The following CADM2 variants were observed in gnomAD, a reference collection of about 807,000 sequenced individuals.
The protein encoded by CADM2 is immunoglobulin superfamily member 4D.
Under a neutral mutation model 49.8 loss-of-function variants are expected in CADM2, and 12 were observed. The observed-to-expected ratio is 0.24, with a 90% CI of 0.15 to 0.39. The LOEUF (loss-of-function observed/expected upper bound fraction) is 0.39. Among genes scored for constraint, CADM2 ranks in the 10% least tolerant of loss-of-function variants. The pLI, the probability that CADM2 is intolerant of heterozygous loss-of-function variation, is 1.00. For synonymous variants in CADM2, 214 were observed against 175.4 expected (o/e 1.22, Z -1.74); for missense variants, 378 against 492.3 (o/e 0.77, Z 2.20).
chr3:85,751,345 G>C (rs994768071), intron 2 of CADM2, among the ~76,000 whole-genome samples: 1 of 152,086 alleles, frequency 6.6e-6, no homozygotes, highest in Non-Finnish European at 1.5e-5. Context: ...CAGGATTGAA[G>C]AGTAAAACTC....
intron 1 of CADM2, among the ~76,000 whole-genome samples, chr3:85,190,758 A>G (rs774808098): frequency 1.1e-4 from 17 of 152,190 alleles, no homozygotes; most frequent in Admixed American, 5.2e-4. Flanking sequence ...GCTGTCCTCA[A>G]CTTGTAGAAT....
intron 1 of CADM2, among the ~76,000 whole-genome samples, chr3:85,157,754 C>CTAAA (rs2040182825): frequency 6.6e-6 from 1 of 152,050 alleles, no homozygotes; most frequent in South Asian, 2.1e-4. Context: ...AAAACCTAGG[C>CTAAA]ATTACCATTC....
chr3:85,384,033 C>T lies in CADM2; in HGVS notation c.62-342489C>T, dbSNP rs184022692. Reference sequence around the variant, plus strand: ...TGAAACTGCTGGATTAAATAATTTGCAAATATTCAAATTTGCCAGAAAAAT... The same window carrying T: ...TGAAACTGCTGGATTAAATAATTTGTAAATATTCAAATTTGCCAGAAAAAT... On this transcript the variant is annotated intron_variant, in intron 1 of 9. Transcript: ENST00000383699. Among the ~76,000 whole-genome samples, 26 of 152,188 alleles carry T rather than the reference C, an allele frequency of 1.7e-4. No homozygotes were observed. The East Asian group carries it at 4.8e-3, about 28-fold the overall frequency.
At chr3:85,956,625 G>A (rs1170765656) in intron 7 of CADM2, among the ~76,000 whole-genome samples, 4 of 149,218 alleles carry the variant, frequency 2.7e-5, no homozygotes, top group African/African-American at 7.4e-5. Flanking sequence ...AACCAATTTT[G>A]TAGATGCTGT....
chr3:85,700,130 A>G (rs2107705436), intron 1 of CADM2, among the ~76,000 whole-genome samples: 1 of 152,352 alleles, frequency 6.6e-6, no homozygotes, highest in East Asian at 1.9e-4. Context: ...TGTGGCACAC[A>G]GACACTATGG....
At chr3:85,871,552 G>C (rs368002185) in intron 3 of CADM2, among the ~76,000 whole-genome samples, 1 of 152,260 alleles carries the variant, frequency 6.6e-6, no homozygotes, top group Non-Finnish European at 1.5e-5. Flanking sequence ...GAACCTCTCT[G>C]ATGTTTAGGT....
At chr3:85,180,216 A>G (rs1250453144) in intron 1 of CADM2, among the ~76,000 whole-genome samples, 2 of 152,166 alleles carry the variant, frequency 1.3e-5, no homozygotes, top group Non-Finnish European at 2.9e-5. Context: ...TTCAGGTTAA[A>G]AAAGGGGAAA....
chr3:85,515,874 A>G (rs2060891452), intron 1 of CADM2, among the ~76,000 whole-genome samples: 1 of 152,034 alleles, frequency 6.6e-6, no homozygotes, highest in Admixed American at 6.6e-5. Flanking sequence ...TGAGGCAATG[A>G]CAATGCATAT....
At chr3:85,206,228 G>A (rs2041629966) in intron 1 of CADM2, among the ~76,000 whole-genome samples, 1 of 150,662 alleles carries the variant, frequency 6.6e-6, no homozygotes, top group Non-Finnish European at 1.5e-5. Flanking sequence ...TTTGATCATT[G>A]AAGTCAATGA....
At chr3:85,389,543 A>G (rs1032280228) in intron 1 of CADM2, among the ~76,000 whole-genome samples, 2 of 152,108 alleles carry the variant, frequency 1.3e-5, no homozygotes, top group Non-Finnish European at 2.9e-5. Context: ...TATTTGATAT[A>G]TACCATATAA....
chr3:85,318,946 C>A (rs2044535961), intron 1 of CADM2, among the ~76,000 whole-genome samples: 4 of 152,100 alleles, frequency 2.6e-5, no homozygotes, highest in Admixed American at 2.6e-4. Context: ...AACGTTCGGG[C>A]TCTTAACTTG....
intron 1 of CADM2, among the ~76,000 whole-genome samples, chr3:84,971,467 A>G (rs970473725): frequency 6.6e-6 from 1 of 152,114 alleles, no homozygotes; most frequent in African/African-American, 2.4e-5. Context: ...AGGTAAAACT[A>G]ATGGTGTTAC....
At chr3:85,709,445 T>C (rs2067048112) in intron 1 of CADM2, among the ~76,000 whole-genome samples, 1 of 152,162 alleles carries the variant, frequency 6.6e-6, no homozygotes, top group African/African-American at 2.4e-5. Flanking sequence ...CCTTATAGTT[T>C]ATTTCTCTCT....
At chr3:85,308,342 A>ACACACACACACACAC (rs1559771405) in intron 1 of CADM2, among the ~76,000 whole-genome samples, 1 of 130,280 alleles carries the variant, frequency 7.7e-6, no homozygotes, top group Non-Finnish European at 1.7e-5. Flanking sequence ...CACACACACA[A>ACACACACACACACAC]CACTCCATGT....
At chr3:85,456,834 T>C (rs1235573581) in intron 1 of CADM2, among the ~76,000 whole-genome samples, 1 of 119,342 alleles carries the variant, frequency 8.4e-6, no homozygotes, top group Admixed American at 7.6e-5. Flanking sequence ...TGTTTTTTTC[T>C]TTTTTTTTTT....
chr3:85,313,073 T>C (rs2044385111), intron 1 of CADM2, among the ~76,000 whole-genome samples: 3 of 152,148 alleles, frequency 2.0e-5, no homozygotes, highest in Admixed American at 1.3e-4. Flanking sequence ...GGTAGACAGC[T>C]AATGGCCCAC....
chr3:85,470,411 T>C (rs1372208327), intron 1 of CADM2, among the ~76,000 whole-genome samples: 1 of 152,096 alleles, frequency 6.6e-6, no homozygotes, highest in Non-Finnish European at 1.5e-5. Context: ...TGAAATATAG[T>C]AGATCTTTGT....
intron 2 of CADM2, among the ~76,000 whole-genome samples, chr3:85,757,068 T>A (rs2069156069): frequency 6.6e-6 from 1 of 152,146 alleles, no homozygotes; most frequent in Non-Finnish European, 1.5e-5. Flanking sequence ...TGGCTGTTTA[T>A]GGCTTTATAA....
chr3:85,448,281 C>T (rs1268771287), intron 1 of CADM2, among the ~76,000 whole-genome samples: 3 of 144,752 alleles, frequency 2.1e-5, no homozygotes, highest in African/African-American at 7.8e-5. Context: ...TGCAGTGAGC[C>T]GAGATCGCGC....
Sources: allele counts gnomAD v4.1 joint callset (sites outside exome capture counted in the v4.1 genomes callset), GRCh38; gene constraint gnomAD v4.1.1; transcripts MANE v1.5; gene names NCBI Gene and HGNC (gene_info 2026-07-23, HGNC 2026-07-21).